The following PALS1 variants were observed in gnomAD, a reference collection of about 807,000 sequenced individuals.
PALS1 encodes protein associated with LIN7 1, MAGUK p55 family member.
A neutral mutation model predicts 78.9 loss-of-function variants in PALS1; 31 were observed. The observed-to-expected ratio is 0.39, with a 90% CI of 0.30 to 0.53. The LOEUF (loss-of-function observed/expected upper bound fraction) is 0.53, where lower values mean the gene tolerates loss of function less well. Among genes scored for constraint, PALS1 ranks in the 20% least tolerant of loss-of-function variants. PALS1 has a pLI of 0.67. For missense variants in PALS1, 704 were observed against 826.5 expected (o/e 0.85, Z 1.82); for synonymous variants, 276 against 270.9 (o/e 1.02, Z -0.18).
chr14:67,322,438 A>C (rs1175175190), intron 13 of PALS1, among the ~76,000 whole-genome samples: 2 of 152,226 alleles, frequency 1.3e-5, no homozygotes, highest in African/African-American at 4.8e-5. Flanking sequence ...TTTGTAGACC[A>C]TACAGCTTTA....
chr14:67,251,022 A>C (rs895223763), intron 1 of PALS1, among the ~76,000 whole-genome samples: 1 of 152,214 alleles, frequency 6.6e-6, no homozygotes, highest in African/African-American at 2.4e-5. Flanking sequence ...TTCTTTTTAC[A>C]AATGAGGAAA....
At chr14:67,307,745 G>A (rs2085025478) in intron 8 of PALS1, among the ~76,000 whole-genome samples, 1 of 151,858 alleles carries the variant, frequency 6.6e-6, no homozygotes, top group Non-Finnish European at 1.5e-5. Context: ...AACTTTAAGA[G>A]TTAAAGATAA....
chr14:67,300,994 A>G lies in PALS1; in HGVS notation c.577-395A>G, dbSNP rs543735804. On this transcript the variant is annotated intron_variant, in intron 4 of 14. Coordinates refer to ENST00000261681, the MANE Select transcript of PALS1 (RefSeq NM_022474.4). The stretch of plus-strand genomic sequence containing the variant: ...GGTGTGAGCCACTGCACCCAGCCTG[A>G]CTATAACTCTTTAAGTTGTCATCTC... Among the ~76,000 whole-genome samples the G allele has an allele frequency of 3.3e-5, 5 of 152,256 alleles. No individual in the cohort carries two copies. The South Asian group carries it at 1.0e-3, about 32-fold the overall frequency.
chr14:67,302,694 T>C, intron 7 of PALS1, 123 bp downstream of exon 7: 2 of 722,860 alleles, frequency 2.8e-6, no homozygotes, highest in Non-Finnish European at 4.0e-6. Flanking sequence ...GATTTTTCCA[T>C]GATGTAACTG....
intron 2 of PALS1, among the ~76,000 whole-genome samples, chr14:67,272,953 C>T (rs1047475220): frequency 2.6e-5 from 4 of 152,102 alleles, no homozygotes; most frequent in South Asian, 4.1e-4. Context: ...GAATTACAGG[C>T]GTGAGCCACC....
chr14:67,243,186 GTCTTT>G (rs1023542804), intron 1 of PALS1, among the ~76,000 whole-genome samples: 13 of 151,504 alleles, frequency 8.6e-5, no homozygotes, highest in Non-Finnish European at 7.4e-5. Flanking sequence ...GAATATAATT[GTCTTT>G]TCTTTTTTTT....
In PALS1 at chr14:67,291,920, G is replaced by T. The variant is rs1438340772; in HGVS notation, c.368-591G>T. Among the ~76,000 whole-genome samples, 3 of 152,248 alleles carry T rather than the reference G, an allele frequency of 2.0e-5. No homozygotes were observed. In the East Asian group the frequency reaches 5.8e-4, roughly 29 times the overall value. On this transcript the variant is annotated intron_variant, in intron 3 of 14. Coordinates refer to ENST00000261681, the MANE Select transcript of PALS1 (RefSeq NM_022474.4). The stretch of plus-strand genomic sequence containing the variant: ...AAAAATGTCAGAATCTTATCTAAAA[G>T]TTCTATTTCTGGGACTTACCTTATG...
chr14:67,252,171 C>A (rs891328364), intron 1 of PALS1, among the ~76,000 whole-genome samples: 2 of 152,002 alleles, frequency 1.3e-5, no homozygotes, highest in African/African-American at 4.8e-5. Flanking sequence ...GCCATTCAAG[C>A]AAATTATTTT....
At chr14:67,318,248 C>G (rs2085208193) in intron 11 of PALS1, among the ~76,000 whole-genome samples, 1 of 152,106 alleles carries the variant, frequency 6.6e-6, no homozygotes, top group African/African-American at 2.4e-5. Flanking sequence ...ACACATTAAA[C>G]TAATAAAGAT....
At chr14:67,302,919 C>G (rs1267210726) in intron 7 of PALS1, among the ~76,000 whole-genome samples, 2 of 151,998 alleles carry the variant, frequency 1.3e-5, no homozygotes, top group Non-Finnish European at 2.9e-5. Flanking sequence ...TTTTTGTGTT[C>G]TTTTATTTTA....
Position 67,253,963 on chromosome 14 carries a change from G to GT in PALS1, c.-237+12441dup, listed in dbSNP as rs1203932603. ...TGTGTTTGTGTTAATATTTTGTTTTGTTTTTTTTTTTCCATTTTGAGTAAT... is the reference window on the plus strand; with the variant it reads ...TGTGTTTGTGTTAATATTTTGTTTTGTTTTTTTTTTTTCCATTTTGAGTAAT... On this transcript the variant is annotated intron_variant, in intron 1 of 14. Transcript: ENST00000261681. 2.3e-3 allele frequency among the ~76,000 whole-genome samples: 313 copies of GT among 137,126 alleles called. 3 individuals are homozygous for GT. Among genetic ancestry groups the GT allele is most frequent in the Admixed American group, 5.0e-3 (68 of 13,540 alleles). The allele number at this position is 137,126 out of a possible 152,430, so 90.0% of individuals were successfully genotyped here.
chr14:67,313,304 A>T (rs144718561), intron 9 of PALS1, among the ~76,000 whole-genome samples: 2 of 152,212 alleles, frequency 1.3e-5, no homozygotes, highest in Non-Finnish European at 2.9e-5. Context: ...AACGACAGGG[A>T]TAAGTTCTGA....
chr14:67,271,009 G>A (rs779893682), intron 2 of PALS1: 2 of 152,166 alleles, frequency 1.3e-5, no homozygotes, highest in Non-Finnish European at 2.9e-5. Flanking sequence ...TCATGCAGGT[G>A]CGTAGTAAAA....
chr14:67,332,683 A>G (rs549384072), intron 14 of PALS1, 97 bp from the exon 15 acceptor site: 88 of 1,155,310 alleles, frequency 7.6e-5, no homozygotes, highest in African/African-American at 3.2e-4. Flanking sequence ...AAGGAAAGCT[A>G]TGAAGGTCGC....
chr14:67,256,420 G>C (rs2084146325), intron 1 of PALS1, among the ~76,000 whole-genome samples: 1 of 151,992 alleles, frequency 6.6e-6, no homozygotes, highest in Non-Finnish European at 1.5e-5. Flanking sequence ...AAAAAAACAA[G>C]TGAAAAGAAA....
At chr14:67,253,362 G>T (rs2084094129) in intron 1 of PALS1, among the ~76,000 whole-genome samples, 1 of 152,164 alleles carries the variant, frequency 6.6e-6, no homozygotes, top group Non-Finnish European at 1.5e-5. Context: ...GTTGAGGTCA[G>T]CTTTCTAATC....
intron 2 of PALS1, among the ~76,000 whole-genome samples, chr14:67,275,936 A>C (rs1489941725): frequency 6.6e-6 from 1 of 152,120 alleles, no homozygotes; most frequent in Non-Finnish European, 1.5e-5. Flanking sequence ...CTCTGATGGT[A>C]GTTTGTATTT....
At chr14:67,319,162 TGCTCTGTGCCAG>T (rs2085225370) in intron 11 of PALS1, among the ~76,000 whole-genome samples, 1 of 152,214 alleles carries the variant, frequency 6.6e-6, no homozygotes. Context: ...TTTGAGCTCC[TGCTCTGTGCCAG>T]GCTCTGTGCT....
chr14:67,256,340 A>G (rs182751745), intron 1 of PALS1, among the ~76,000 whole-genome samples: 163 of 152,274 alleles, frequency 1.1e-3, no homozygotes, highest in African/African-American at 3.7e-3. Flanking sequence ...TCAGTTCATA[A>G]AGAGCTTCAT....
Sources: allele counts gnomAD v4.1 joint callset (sites outside exome capture counted in the v4.1 genomes callset), GRCh38; gene constraint gnomAD v4.1.1; transcripts MANE v1.5; gene names NCBI Gene and HGNC (gene_info 2026-07-23, HGNC 2026-07-21).